ZWILCH: variants seen among roughly 807,000 people sequenced by gnomAD.
The protein encoded by ZWILCH is zwilch kinetochore protein.
Under a neutral mutation model 79.9 loss-of-function variants are expected in ZWILCH, and 74 were observed. That is an observed-to-expected ratio of 0.93 (90% CI 0.77 to 1.12). ZWILCH has a LOEUF of 1.12. Ranked by LOEUF, ZWILCH falls within the 50% of genes most tolerant of loss-of-function variation. The pLI is 0.00. For missense variants in ZWILCH, 694 were observed against 687.5 expected (o/e 1.01, Z -0.11); for synonymous variants, 241 against 228.2 (o/e 1.06, Z -0.51).
At chr15:66,542,121 A>G (rs1298296534) in intron 17 of ZWILCH, among the ~76,000 whole-genome samples, 3 of 152,222 alleles carry the variant, frequency 2.0e-5, no homozygotes, top group South Asian at 2.1e-4. Context: ...AAATTTCTGC[A>G]TGGCAAAACA....
intron 17 of ZWILCH, among the ~76,000 whole-genome samples, chr15:66,545,327 C>T (rs1895335135): frequency 6.6e-6 from 1 of 152,006 alleles, no homozygotes; most frequent in African/African-American, 2.4e-5. Flanking sequence ...GCACTCCAGC[C>T]TGGGCAGCAA....
chr15:66,510,395 AAAAAT>A (rs1489192569), intron 2 of ZWILCH, among the ~76,000 whole-genome samples: 2 of 149,328 alleles, frequency 1.3e-5, no homozygotes, highest in Non-Finnish European at 3.0e-5. Flanking sequence ...AAAAAAAAAA[AAAAAT>A]ATCAATGAGA....
chr15:66,527,140 T>C (rs1445160972), intron 8 of ZWILCH, 150 bp from the exon 9 acceptor site: 1 of 608,302 alleles, frequency 1.6e-6, no homozygotes, highest in East Asian at 2.9e-5. Context: ...TTAAATAACA[T>C]GTACTATACA....
At chr15:66,537,691 C>CA (rs1304649449) in intron 16 of ZWILCH, among the ~76,000 whole-genome samples, 1 of 151,884 alleles carries the variant, frequency 6.6e-6, no homozygotes, top group African/African-American at 2.4e-5. Flanking sequence ...AACTCCGTCT[C>CA]AAAAAATAAT....
intron 13 of ZWILCH, 124 bp downstream of exon 13, chr15:66,532,527 G>T: frequency 2.6e-6 from 2 of 776,044 alleles, no homozygotes; most frequent in Non-Finnish European, 1.9e-6. Context: ...TTTGTACCTG[G>T]TTCACTATGA....
intron 18 of ZWILCH, 165 bp downstream of exon 18, chr15:66,546,870 A>G (rs1448128420): frequency 3.4e-6 from 1 of 291,066 alleles, no homozygotes; most frequent in Non-Finnish European, 6.4e-6. Flanking sequence ...CAACTCTTTA[A>G]TTTTCTTTCT....
At chr15:66,506,110 A>G (rs766064830) in intron 1 of ZWILCH, among the ~76,000 whole-genome samples, 1 of 152,216 alleles carries the variant, frequency 6.6e-6, no homozygotes, top group Non-Finnish European at 1.5e-5. Context: ...TGTAACGGAT[A>G]CGGCTGGTTG....
At chr15:66,529,662 A>G in intron 12 of ZWILCH, 89 bp downstream of exon 12, 1 of 983,932 alleles carries the variant, frequency 1.0e-6, no homozygotes, top group Non-Finnish European at 1.6e-6. Context: ...CCTGAGTCTG[A>G]ATTTCAGCTC....
intron 7 of ZWILCH, 97 bp from the exon 8 acceptor site, chr15:66,523,580 T>G: frequency 2.7e-6 from 2 of 732,858 alleles, no homozygotes; most frequent in Non-Finnish European, 4.7e-6. Flanking sequence ...AATATATTTT[T>G]TAATGTGTGA....
chr15:66,530,098 A>C (rs1440446677), intron 12 of ZWILCH, among the ~76,000 whole-genome samples: 2 of 152,198 alleles, frequency 1.3e-5, no homozygotes, highest in East Asian at 3.8e-4. Context: ...TTGGCATAAA[A>C]ATTTAAAGGA....
intron 2 of ZWILCH, among the ~76,000 whole-genome samples, chr15:66,510,191 TAATAAAATAAAATA>T (rs1284238105): frequency 5.0e-5 from 6 of 120,532 alleles, no homozygotes; most frequent in South Asian, 2.5e-4. Flanking sequence ...TAAAATAAAA[TAATAAAATAAAATA>T]AATAAAATAA....
intron 14 of ZWILCH, among the ~76,000 whole-genome samples, chr15:66,534,447 G>A (rs1421682778): frequency 1.3e-5 from 2 of 152,086 alleles, no homozygotes; most frequent in Non-Finnish European, 1.5e-5. Flanking sequence ...ACTTAATGAT[G>A]GGGATACATT....
At chr15:66,545,717 T>C (rs1478524634) in intron 17 of ZWILCH, among the ~76,000 whole-genome samples, 2 of 152,250 alleles carry the variant, frequency 1.3e-5, no homozygotes, top group African/African-American at 4.8e-5. Context: ...CAGTGTCTTT[T>C]ATCCCCAAAG....
At chr15:66,533,496 T>A (rs1430230520) in intron 14 of ZWILCH, among the ~76,000 whole-genome samples, 1 of 152,244 alleles carries the variant, frequency 6.6e-6, no homozygotes, top group Non-Finnish European at 1.5e-5. Flanking sequence ...GTGTCTGTAC[T>A]GATCTTTGAC....
In ZWILCH at chr15:66,536,035, A is replaced by C. The variant is rs767043050; in HGVS notation, c.1444A>C (p.Lys482Gln). The change falls in exon 15 of 19, where the codon AAA becomes CAA. Residue 482 changes from lysine (K) to glutamine (Q), a missense_variant. Coordinates refer to ENST00000307897, the MANE Select transcript of ZWILCH (RefSeq NM_017975.5). ...ATTAGTCAGTTGCATGCCTTTCATT[A>C]AATCTCAACATGAACTCCTCTTTTC... ...EILVSCMPFI[K>Q]SQHELLFSLT... 10 of 1,611,956 alleles carry C rather than the reference A, an allele frequency of 6.2e-6. No individual in the cohort carries two copies. The South Asian group carries it at 1.1e-4, about 18-fold the overall frequency.
chr15:66,528,010 G>C (rs1056146340), intron 10 of ZWILCH, 98 bp downstream of exon 10: 19 of 932,614 alleles, frequency 2.0e-5, no homozygotes, highest in Non-Finnish European at 7.9e-6. Flanking sequence ...AATGGATTTG[G>C]GATATCAAGG....
At chr15:66,514,251 T>G in intron 3 of ZWILCH, 168 bp downstream of exon 3, 1 of 396,734 alleles carries the variant, frequency 2.5e-6, no homozygotes, top group East Asian at 4.1e-5. Flanking sequence ...GAACCACATA[T>G]GCAATTTAAC....
intron 12 of ZWILCH, among the ~76,000 whole-genome samples, chr15:66,531,406 T>C (rs925936083): frequency 6.6e-6 from 1 of 152,184 alleles, no homozygotes; most frequent in African/African-American, 2.4e-5. Context: ...AAACCCTTCT[T>C]AGTTGCTTTG....
chr15:66,544,805 G>A (rs968081986), intron 17 of ZWILCH, among the ~76,000 whole-genome samples: 16 of 149,194 alleles, frequency 1.1e-4, no homozygotes, highest in South Asian at 2.1e-4. Flanking sequence ...GTGCAGTGGC[G>A]CGATCTCGGC....
Sources: allele counts gnomAD v4.1 joint callset (sites outside exome capture counted in the v4.1 genomes callset), GRCh38; gene constraint gnomAD v4.1.1; transcripts MANE v1.5; gene names NCBI Gene and HGNC (gene_info 2026-07-23, HGNC 2026-07-21).